The following CEP85L variants were observed in gnomAD, a reference collection of about 807,000 sequenced individuals.
CEP85L encodes the protein centrosomal protein of 85 kDa-like.
CEP85L carries 60 observed loss-of-function variants against 100.3 expected under a neutral mutation model. That is an observed-to-expected ratio of 0.60 (90% confidence interval 0.49 to 0.74). CEP85L has a LOEUF of 0.74. CEP85L is among the 30% of genes least tolerant of loss of function. The pLI, the probability that CEP85L is intolerant of heterozygous loss-of-function variation, is 0.00. For synonymous variants in CEP85L, 319 were observed against 322.7 expected, an observed-to-expected ratio of 0.99 and a Z score of 0.12; for missense variants, 973 against 936.2, an observed-to-expected ratio of 1.04 and a Z score of -0.51.
intron 2 of CEP85L, among the ~76,000 whole-genome samples, chr6:118,586,514 GTTC>G (rs1170444870): frequency 1.3e-5 from 2 of 151,978 alleles, no homozygotes; most frequent in Admixed American, 6.6e-5. Flanking sequence ...GCCTCACACT[GTTC>G]TTCTTCCAAC....
rs912308803 is a variant in CEP85L, at chr6:118,561,478, ATTC to A, written c.1020+4048_1020+4050del. The stretch of plus-strand genomic sequence containing the variant: ...AGTAGAATAAACTCTTTAAATAATT[ATTC>A]TTCATCATAAAGTGTAAAGAATAAG... On this transcript the variant is annotated intron_variant, in intron 3 of 12. Transcript: ENST00000368491. 3.9e-5 allele frequency among the ~76,000 whole-genome samples: 6 copies of A among 152,258 alleles called. No individual in the cohort carries two copies. The East Asian group carries it at 1.2e-3, about 29-fold the overall frequency.
intron 1 of CEP85L, among the ~76,000 whole-genome samples, chr6:118,678,503 C>T (rs1242602399): frequency 1.3e-5 from 2 of 152,226 alleles, no homozygotes; most frequent in Admixed American, 1.3e-4. Context: ...CTCCTCTGTA[C>T]TTCCTTGACT....
chr6:118,572,833 G>A (rs1015313701), intron 2 of CEP85L, among the ~76,000 whole-genome samples: 5 of 151,954 alleles, frequency 3.3e-5, no homozygotes, highest in African/African-American at 4.8e-5. Flanking sequence ...AGGCCGAGGC[G>A]GGCAGATCAC....
At chr6:118,501,536 G>C (rs1775302010) in intron 5 of CEP85L, 1 of 499,890 alleles carries the variant, frequency 2.0e-6, no homozygotes, top group Non-Finnish European at 3.9e-6. Flanking sequence ...ACACCCAATG[G>C]ATCTCAGCAA....
At chr6:118,604,071 A>G (rs10457341) in intron 2 of CEP85L, among the ~76,000 whole-genome samples, 107,873 of 152,162 alleles carry the variant, frequency 0.71, 38,963 homozygotes, top group African/African-American at 0.75. Context: ...TACAATGCAA[A>G]CAAAACACCA....
chr6:118,564,204 G>GAA lies in CEP85L; in HGVS notation c.1020+1323_1020+1324dup, dbSNP rs1779376092. 2.0e-5 allele frequency among the ~76,000 whole-genome samples: 3 copies of GAA among 152,246 alleles called. No homozygotes were observed. The South Asian group carries it at 6.2e-4, about 32-fold the overall frequency. ...TTTGTCCAAGCAGAATAAAAAGCAT[G>GAA]AATCAGTATTTACTCCTTGAAATTT... On this transcript the variant is annotated intron_variant, in intron 3 of 12. Transcript: ENST00000368491.
intron 1 of CEP85L, among the ~76,000 whole-genome samples, chr6:118,687,307 C>A (rs1776868232): frequency 6.6e-6 from 1 of 152,158 alleles, no homozygotes; most frequent in Non-Finnish European, 1.5e-5. Flanking sequence ...CTCACTGCAA[C>A]CTCCGCCTCC....
At chr6:118,497,901 C>A (rs992940518) in intron 5 of CEP85L, among the ~76,000 whole-genome samples, 3 of 152,134 alleles carry the variant, frequency 2.0e-5, no homozygotes, top group Admixed American at 1.3e-4. Flanking sequence ...ACAATGTAAT[C>A]ATTTATGTAT....
chr6:118,535,422 T>G (rs1212559617), intron 3 of CEP85L, among the ~76,000 whole-genome samples: 1 of 152,250 alleles, frequency 6.6e-6, no homozygotes, highest in Non-Finnish European at 1.5e-5. Flanking sequence ...GTGATGGAAA[T>G]GTCGCACACT....
intron 3 of CEP85L, among the ~76,000 whole-genome samples, chr6:118,539,502 T>C (rs1216722397): frequency 6.6e-6 from 1 of 152,236 alleles, no homozygotes; most frequent in African/African-American, 2.4e-5. Flanking sequence ...GTGACAAATA[T>C]GTTAAGGGAC....
At position 118,704,663 on chromosome 6, in the gene CEP85L, G is replaced by A. The variant is rs555628614; in HGVS notation, c.-28+5373C>T. On this transcript the variant is annotated intron_variant, in intron 1 of 13. Transcript: ENST00000368488. ...TTTTTGTATTTTTAGTAGAGACAGG[G>A]TTTCACCACGTTGGCCAGGCTGGTC... Among the ~76,000 whole-genome samples, 52 of 152,166 alleles carry A rather than the reference G, an allele frequency of 3.4e-4. No homozygotes were observed. In the South Asian group the frequency reaches 4.8e-3, roughly 14 times the overall value.
chr6:118,532,096 C>T (rs1004251913), intron 3 of CEP85L, among the ~76,000 whole-genome samples: 3 of 152,024 alleles, frequency 2.0e-5, no homozygotes. Flanking sequence ...ATGGAATCAA[C>T]CTAAATGCCC....
intron 6 of CEP85L, 70 bp downstream of exon 6, chr6:118,491,616 A>T (rs1774578631): frequency 6.4e-7 from 1 of 1,551,008 alleles, no homozygotes; most frequent in Non-Finnish European, 8.7e-7. Context: ...TGACAGGGTA[A>T]ATGACAGACA....
intron 2 of CEP85L, among the ~76,000 whole-genome samples, chr6:118,583,697 T>C (rs1320171047): frequency 6.6e-6 from 1 of 152,152 alleles, no homozygotes; most frequent in Admixed American, 6.5e-5. Flanking sequence ...GGCCAGTGGC[T>C]AGGAAAGGGC....
chr6:118,614,211 A>T (rs933262750), intron 2 of CEP85L, among the ~76,000 whole-genome samples: 1 of 152,250 alleles, frequency 6.6e-6, no homozygotes, highest in Admixed American at 6.5e-5. Flanking sequence ...ACTAGGAATA[A>T]GAAGTGCCCT....
At chr6:118,616,752 C>A (rs1327299316) in intron 2 of CEP85L, among the ~76,000 whole-genome samples, 10 of 151,944 alleles carry the variant, frequency 6.6e-5, no homozygotes, top group African/African-American at 2.4e-5. Flanking sequence ...CGAGACCAGC[C>A]TGGCCAACAT....
chr6:118,633,846 G>A (rs747901248), intron 1 of CEP85L, among the ~76,000 whole-genome samples: 11 of 152,112 alleles, frequency 7.2e-5, no homozygotes, highest in Admixed American at 2.6e-4. Context: ...CTCAATTCAG[G>A]GCTTACAGAA....
chr6:118,575,095 A>C (rs1423905893), intron 2 of CEP85L, among the ~76,000 whole-genome samples: 1 of 152,088 alleles, frequency 6.6e-6, no homozygotes, highest in Non-Finnish European at 1.5e-5. Flanking sequence ...GGGTGCAAGA[A>C]ATTTCTATTA....
chr6:118,479,728 TA>T, intron 10 of CEP85L, 142 bp downstream of exon 10: 1 of 438,450 alleles, frequency 2.3e-6, no homozygotes. Flanking sequence ...AGATTAATAT[TA>T]AAGAATTTGC....
Sources: allele counts gnomAD v4.1 joint callset (sites outside exome capture counted in the v4.1 genomes callset), GRCh38; gene constraint gnomAD v4.1.1; transcripts MANE v1.5; gene names NCBI Gene and HGNC (gene_info 2026-07-23, HGNC 2026-07-21).